RAP1A: variants seen among roughly 807,000 people sequenced by gnomAD.
RAP1A encodes the protein RAP1A, member of RAS oncogene family, also known as ras-related protein Rap-1A.
A neutral mutation model predicts 26.4 loss-of-function variants in RAP1A; 6 were observed. The observed-to-expected ratio is 0.23, with a 90% CI of 0.12 to 0.45. RAP1A has a LOEUF of 0.45. RAP1A is among the 20% of genes least tolerant of loss of function. The pLI is 0.99. For synonymous variants in RAP1A, 73 were observed against 79.4 expected (o/e 0.92, Z 0.43); for missense variants, 121 against 217.2 (o/e 0.56, Z 2.78).
chr1:111,700,142 T>G (rs1383838581), intron 4 of RAP1A, among the ~76,000 whole-genome samples: 1 of 152,174 alleles, frequency 6.6e-6, no homozygotes. Context: ...CAACACTGCT[T>G]TGGAGATCTT....
intron 1 of RAP1A, among the ~76,000 whole-genome samples, chr1:111,553,052 T>G (rs927488555): frequency 1.3e-5 from 2 of 152,250 alleles, no homozygotes; most frequent in African/African-American, 2.4e-5. Flanking sequence ...AAACACTTCA[T>G]ATTCAGATTG....
chr1:111,643,447 A>T (rs1391056292), intron 1 of RAP1A, among the ~76,000 whole-genome samples: 2 of 152,192 alleles, frequency 1.3e-5, no homozygotes, highest in Non-Finnish European at 2.9e-5. Flanking sequence ...ATTTTTTGGC[A>T]TCAAGTTTAG....
At chr1:111,633,222 G>T (rs1054650742) in intron 1 of RAP1A, among the ~76,000 whole-genome samples, 142 of 152,174 alleles carry the variant, frequency 9.3e-4, no homozygotes, top group African/African-American at 3.2e-3. Flanking sequence ...ATTTTTCCTG[G>T]TGGATTTCTG....
intron 1 of RAP1A, among the ~76,000 whole-genome samples, chr1:111,675,975 C>T (rs893316270): frequency 2.0e-5 from 3 of 152,178 alleles, no homozygotes; most frequent in African/African-American, 7.2e-5. Context: ...GAGACTTATT[C>T]ACTACCACAA....
intron 1 of RAP1A, among the ~76,000 whole-genome samples, chr1:111,669,531 G>C (rs1053600263): frequency 7.9e-5 from 12 of 152,204 alleles, no homozygotes; most frequent in African/African-American, 2.9e-4. Context: ...AGAGCAATAA[G>C]ACATAAGAGC....
chr1:111,699,726 C>G (rs1661960020), intron 4 of RAP1A, among the ~76,000 whole-genome samples: 1 of 151,930 alleles, frequency 6.6e-6, no homozygotes, highest in South Asian at 2.1e-4. Flanking sequence ...CTTTGGCCTC[C>G]CAAAGTGCTG....
chr1:111,620,351 G>A (rs1659153556), intron 1 of RAP1A, among the ~76,000 whole-genome samples: 1 of 152,226 alleles, frequency 6.6e-6, no homozygotes, highest in Non-Finnish European at 1.5e-5. Flanking sequence ...GTAGAAGGTT[G>A]GACATCGCTG....
intron 1 of RAP1A, among the ~76,000 whole-genome samples, chr1:111,638,176 G>A (rs556717744): frequency 5.3e-5 from 8 of 151,956 alleles, no homozygotes; most frequent in South Asian, 2.1e-4. Context: ...TTTGCCTAAC[G>A]CATTTTGCCT....
chr1:111,608,243 C>CTGCAATCTCG (rs1658847838), intron 1 of RAP1A: 1 of 153,216 alleles, frequency 6.5e-6, no homozygotes. Flanking sequence ...CGGGTAGAGG[C>CTGCAATCTCG]GCTCCTCACA....
chr1:111,544,472 C>A (rs1440446445), intron 1 of RAP1A, among the ~76,000 whole-genome samples: 1 of 152,140 alleles, frequency 6.6e-6, no homozygotes, highest in Non-Finnish European at 1.5e-5. Context: ...TCTTTTGTGT[C>A]TAACTTATTT....
At chr1:111,687,353 G>A (rs971582860) in intron 1 of RAP1A, among the ~76,000 whole-genome samples, 1 of 151,846 alleles carries the variant, frequency 6.6e-6, no homozygotes, top group Non-Finnish European at 1.5e-5. Context: ...GATTACAGGC[G>A]CCTGCCACCA....
intron 1 of RAP1A, among the ~76,000 whole-genome samples, chr1:111,643,352 T>C (rs1033303288): frequency 2.0e-5 from 3 of 152,228 alleles, no homozygotes; most frequent in African/African-American, 7.2e-5. Context: ...CTGCACATTC[T>C]GATAACTATT....
At chr1:111,585,882 T>G (rs746414245) in intron 1 of RAP1A, among the ~76,000 whole-genome samples, 1 of 152,210 alleles carries the variant, frequency 6.6e-6, no homozygotes, top group Non-Finnish European at 1.5e-5. Context: ...ATACCCTAAC[T>G]ATAGCCCTGT....
At chr1:111,607,983 CGG>C (rs1456060429) in intron 1 of RAP1A, among the ~76,000 whole-genome samples, 2 of 31,764 alleles carry the variant, frequency 6.3e-5, no homozygotes, top group Non-Finnish European at 1.2e-4. Context: ...GGCAGCTGGC[CGG>C]GCGGGGGGGC....
At chr1:111,672,514 T>C (rs893071468) in intron 1 of RAP1A, among the ~76,000 whole-genome samples, 2 of 152,152 alleles carry the variant, frequency 1.3e-5, no homozygotes, top group African/African-American at 4.8e-5. Context: ...GCCTTTATTA[T>C]TCACAGATGT....
At chr1:111,685,542 G>C (rs1200380743) in intron 1 of RAP1A, among the ~76,000 whole-genome samples, 2 of 152,116 alleles carry the variant, frequency 1.3e-5, no homozygotes, top group Non-Finnish European at 2.9e-5. Context: ...ATCACTGGTC[G>C]TTAGAGAAAT....
Position 111,691,400 on chromosome 1 carries a change from G to A in RAP1A, c.40G>A (p.Val14Ile). ...YKLVVLGSGG[V>I]GKSALTVQFV... ...GCTAGTGGTCCTTGGTTCAGGAGGC[G>A]TTGGGAAGTCTGCTCTGGTAAGTTA... Residue 14 changes from valine to isoleucine, a missense_variant, in exon 2 of 8, where the codon GTT becomes ATT. Transcript: ENST00000369709. 5 of 1,613,182 alleles carry A rather than the reference G, an allele frequency of 3.1e-6. No homozygotes were observed. Among genetic ancestry groups the A allele is most frequent in the Non-Finnish European group, 4.2e-6 (5 of 1,179,202 alleles).
chr1:111,676,826 C>G (rs1661140361), intron 1 of RAP1A, among the ~76,000 whole-genome samples: 1 of 150,848 alleles, frequency 6.6e-6, no homozygotes, highest in Non-Finnish European at 1.5e-5. Context: ...CCAAGTCTTT[C>G]TCTGTTGTGC....
chr1:111,633,012 T>G (rs1659619755), intron 1 of RAP1A, among the ~76,000 whole-genome samples: 1 of 151,894 alleles, frequency 6.6e-6, no homozygotes, highest in Non-Finnish European at 1.5e-5. Context: ...GGCAGTATAA[T>G]TACTACTTCA....
Sources: allele counts gnomAD v4.1 joint callset (sites outside exome capture counted in the v4.1 genomes callset), GRCh38; gene constraint gnomAD v4.1.1; transcripts MANE v1.5; gene names NCBI Gene and HGNC (gene_info 2026-07-23, HGNC 2026-07-21).